PCDH11X: variants seen among roughly 807,000 people sequenced by gnomAD.
The protein encoded by PCDH11X is protocadherin 11 X-linked, also known as protocadherin-11 X-linked.
Under a neutral mutation model 53.3 loss-of-function variants are expected in PCDH11X, and 18 were observed. The observed-to-expected ratio is 0.34, with a 90% CI of 0.23 to 0.50. The LOEUF (loss-of-function observed/expected upper bound fraction) is 0.50. Among genes scored for constraint, PCDH11X ranks in the 20% least tolerant of loss-of-function variants. The pLI is 0.98. For synonymous variants in PCDH11X, 279 were observed against 393.3 expected, an observed-to-expected ratio of 0.71 and a Z score of 3.44; for missense variants, 570 against 1,032.4, an observed-to-expected ratio of 0.55 and a Z score of 6.14.
chrX:91,982,976 A>T, intron 6 of PCDH11X: 1 of 1,152,225 alleles, frequency 8.7e-7, no homozygotes, highest in South Asian at 1.8e-5. Context: ...GTTGGAATTC[A>T]TCAGTCTTGC....
chrX:91,937,688 A>G (rs1208419067), intron 6 of PCDH11X, among the ~76,000 whole-genome samples: 2 of 111,202 alleles, frequency 1.8e-5, no homozygotes, highest in African/African-American at 6.5e-5. Flanking sequence ...AGTTCAAAAC[A>G]TCATTACACT....
chrX:92,502,776 C>T (rs1228818249), intron 10 of PCDH11X, among the ~76,000 whole-genome samples: 1 of 111,542 alleles, frequency 9.0e-6, no homozygotes, highest in Non-Finnish European at 1.9e-5. Context: ...AAAATCTAGG[C>T]AATACCATTC....
chrX:92,183,248 C>CT (rs60978254), intron 6 of PCDH11X, among the ~76,000 whole-genome samples: 1,847 of 52,073 alleles, frequency 0.035, 28 homozygotes, highest in African/African-American at 0.054. Context: ...CTAGAGAAAC[C>CT]TTTTTTTTTT....
At position 92,619,873 on chromosome X, in the gene PCDH11X, C is replaced by T. The variant is rs1311363623; in HGVS notation, c.*933C>T. ...CCAAAGCACGAGTCACTTAAAATAT[C>T]GACGGTAAACTACTATTTTGTAGAG... On this transcript the variant is annotated 3_prime_UTR_variant, in exon 11 of 11. Coordinates refer to ENST00000682573, the MANE Select transcript of PCDH11X (RefSeq NM_032968.5). 3 of 106,885 alleles carry T rather than the reference C, an allele frequency of 2.8e-5. No individual in the cohort carries two copies. Among genetic ancestry groups the T allele is most frequent in the African/African-American group, 6.8e-5 (2 of 29,354 alleles). 8.8% of individuals were successfully genotyped at this position (106,885 alleles called of 1,213,427 possible).
chrX:92,420,448 A>G (rs1214083426), intron 9 of PCDH11X: 15 of 302,695 alleles, frequency 5.0e-5, no homozygotes, highest in Admixed American at 1.1e-4. Context: ...ATTCAACTTC[A>G]TGTAATTTTC....
chrX:91,967,594 G>T (rs2061886065), intron 6 of PCDH11X, among the ~76,000 whole-genome samples: 1 of 109,106 alleles, frequency 9.2e-6, no homozygotes, highest in African/African-American at 3.3e-5. Flanking sequence ...GTGCCAAAAA[G>T]GTTGGGGACC....
At chrX:91,932,417 G>T (rs1411930052) in intron 6 of PCDH11X, among the ~76,000 whole-genome samples, 1 of 102,106 alleles carries the variant, frequency 9.8e-6, no homozygotes, top group African/African-American at 3.6e-5. Flanking sequence ...AAGAAAAAGG[G>T]AGTGAAAATA....
chrX:92,201,003 G>T (rs748040172), intron 6 of PCDH11X, among the ~76,000 whole-genome samples: 69 of 110,357 alleles, frequency 6.3e-4, no homozygotes, highest in African/African-American at 2.2e-3. Context: ...CCTCCAAAAT[G>T]CTGGGCTCAA....
At chrX:92,074,916 G>A (rs2063752701) in intron 6 of PCDH11X, among the ~76,000 whole-genome samples, 1 of 110,315 alleles carries the variant, frequency 9.1e-6, no homozygotes, top group Non-Finnish European at 1.9e-5. Flanking sequence ...CTATCGTGGG[G>A]TTAAGTGCAA....
intron 6 of PCDH11X, among the ~76,000 whole-genome samples, chrX:92,019,522 A>T (rs1219383335): frequency 4.5e-5 from 5 of 112,094 alleles, no homozygotes; most frequent in Non-Finnish European, 9.4e-5. Flanking sequence ...CTTGGACCAT[A>T]GCACAATTAA....
intron 8 of PCDH11X, among the ~76,000 whole-genome samples, chrX:92,286,579 C>T (rs1298342382): frequency 1.0e-5 from 1 of 99,549 alleles, no homozygotes; most frequent in African/African-American, 3.7e-5. Flanking sequence ...AAAGAGACCA[C>T]TTATTTCATT....
chrX:92,216,232 C>A (rs146765893), intron 7 of PCDH11X, among the ~76,000 whole-genome samples: 18,577 of 110,091 alleles, frequency 0.17, 1,310 homozygotes, highest in Admixed American at 0.3. Context: ...TGAGAGAAGG[C>A]TTCAGATGAT....
chrX:91,844,509 A>T (rs1479782230), intron 5 of PCDH11X, among the ~76,000 whole-genome samples: 2 of 109,486 alleles, frequency 1.8e-5, no homozygotes, highest in Middle Eastern at 4.8e-3. Context: ...TTATTTTTTT[A>T]AAAAAGATTT....
chrX:92,470,881 A>G lies in PCDH11X; in HGVS notation c.3367+2559A>G, dbSNP rs779448791. Among the ~76,000 whole-genome samples the G allele has an allele frequency of 2.6e-3, 283 of 109,776 alleles. 1 individual carries two copies. Among genetic ancestry groups the G allele is most frequent in the Admixed American group, 6.4e-3 (65 of 10,218 alleles). On this transcript the variant is annotated intron_variant, in intron 10 of 10. Transcript: ENST00000682573. ...TTTTGTTGAAGATTTTTGCATCAAT[A>G]TTCATCAGTGATATTGGCCTGTTTT...
intron 6 of PCDH11X, among the ~76,000 whole-genome samples, chrX:92,139,331 A>G (rs2065140055): frequency 1.1e-5 from 1 of 91,882 alleles, no homozygotes; most frequent in African/African-American, 4.3e-5. Context: ...GCTGAAGTGC[A>G]GTGGCATGAT....
At chrX:92,380,003 G>T (rs1291189038) in intron 8 of PCDH11X, among the ~76,000 whole-genome samples, 9 of 100,956 alleles carry the variant, frequency 8.9e-5, no homozygotes, top group Non-Finnish European at 1.6e-4. Context: ...TGCCACGTTG[G>T]GGGTGATGAG....
intron 10 of PCDH11X, among the ~76,000 whole-genome samples, chrX:92,597,366 C>T (rs1188758110): frequency 9.1e-6 from 1 of 110,403 alleles, no homozygotes; most frequent in Non-Finnish European, 1.9e-5. Flanking sequence ...TAATCAGTAG[C>T]ATTTCTATAT....
intron 6 of PCDH11X, among the ~76,000 whole-genome samples, chrX:92,014,890 T>C (rs2062763302): frequency 9.2e-6 from 1 of 108,783 alleles, no homozygotes; most frequent in Non-Finnish European, 1.9e-5. Context: ...TGTTGTGGGG[T>C]GGGGGGAGTG....
In PCDH11X at chrX:92,018,278, T is replaced by C. The variant is rs767902196; in HGVS notation, c.3033+139005T>C. 2.7e-5 allele frequency among the ~76,000 whole-genome samples: 3 copies of C among 112,010 alleles called. No individual in the cohort carries two copies. In the East Asian group the frequency reaches 8.4e-4, roughly 31 times the overall value. ...ATAAAATTGTGTAGATATATTTCGTTTTAAAAAATAATGATAATTTAAGAA... is the reference window on the plus strand; with the variant it reads ...ATAAAATTGTGTAGATATATTTCGTCTTAAAAAATAATGATAATTTAAGAA... On this transcript the variant is annotated intron_variant, in intron 6 of 10. Coordinates refer to ENST00000682573, the MANE Select transcript of PCDH11X (RefSeq NM_032968.5).
Sources: gnomAD v4.1 joint callset for allele counts (sites outside exome capture counted in the v4.1 genomes callset) on GRCh38, gnomAD v4.1.1 for gene constraint, MANE v1.5 for transcripts, NCBI Gene and HGNC (gene_info 2026-07-23, HGNC 2026-07-21) for gene names.